MEGF10: variants seen among roughly 807,000 people sequenced by gnomAD.
MEGF10 encodes multiple EGF like domains 10, also known as multiple epidermal growth factor-like domains protein 10.
Under a neutral mutation model 147.5 loss-of-function variants are expected in MEGF10, and 86 were observed. The ratio of observed to expected loss-of-function variants is 0.58; its 90% CI spans 0.49 to 0.70. The LOEUF (loss-of-function observed/expected upper bound fraction) is 0.70, where lower values mean the gene tolerates loss of function less well. Among genes scored for constraint, MEGF10 ranks in the 30% least tolerant of loss-of-function variants. MEGF10 has a pLI of 0.00. For synonymous variants in MEGF10, 478 were observed against 525.5 expected (o/e 0.91, Z 1.24); for missense variants, 1,329 against 1,487.3 (o/e 0.89, Z 1.75).
chr5:127,340,630 CGTAA>C lies in MEGF10; in HGVS notation c.319+6_319+9del. ...TTATGAAAGCGGGGAAATGTGTGTC[CGTAA>C]GTAAGACTGTCACCCCTTTGAGATT... is the stretch of plus-strand genomic sequence containing the variant. On this transcript the variant is annotated splice_donor_variant and splice_donor_region_variant and intron_variant, in intron 4 of 24. Transcript: ENST00000503335. LOFTEE classifies it high-confidence loss of function. 6.2e-7 allele frequency: 1 copy of C among 1,610,960 alleles called. No homozygotes were observed. Among genetic ancestry groups the C allele is most frequent in the Non-Finnish European group, 8.5e-7 (1 of 1,177,582 alleles).
intron 5 of MEGF10, among the ~76,000 whole-genome samples, chr5:127,393,383 C>T (rs1561616388): frequency 6.6e-6 from 1 of 152,178 alleles, no homozygotes; most frequent in Non-Finnish European, 1.5e-5. Context: ...TGAGAGCTGG[C>T]TTATATGCTG....
chr5:127,455,750 A>AT (rs201649090), intron 24 of MEGF10, 143 bp downstream of exon 24: 26 of 706,202 alleles, frequency 3.7e-5, no homozygotes, highest in African/African-American at 1.1e-4. Context: ...ATTTTATTTT[A>AT]TGTATTTTTT....
chr5:127,337,381 G>A (rs768506039), intron 2 of MEGF10, among the ~76,000 whole-genome samples: 16 of 152,016 alleles, frequency 1.1e-4, no homozygotes, highest in African/African-American at 1.7e-4. Flanking sequence ...AGGCCACATA[G>A]TTATATTCCT....
intron 4 of MEGF10, among the ~76,000 whole-genome samples, chr5:127,344,070 C>G (rs1761783420): frequency 6.6e-6 from 1 of 152,140 alleles, no homozygotes; most frequent in Admixed American, 6.5e-5. Context: ...GTTCCTTTAT[C>G]GTAGTCATTT....
intron 12 of MEGF10, among the ~76,000 whole-genome samples, chr5:127,420,736 C>T (rs893802165): frequency 2.0e-5 from 3 of 152,206 alleles, no homozygotes; most frequent in South Asian, 2.1e-4. Context: ...TTCCCTTGAC[C>T]TACTTTGGAG....
rs1766434177 is a variant in MEGF10 at position 127,458,175 on chromosome 5, C to T, written c.*857C>T. 6.6e-6 allele frequency: 1 copy of T among 152,080 alleles called. No homozygotes were observed. The highest frequency in any genetic ancestry group is 1.5e-5 in the Non-Finnish European group (1 of 68,026). 9.4% of individuals were successfully genotyped at this position (152,080 alleles called of 1,614,324 possible). On this transcript the variant is annotated 3_prime_UTR_variant, in exon 25 of 25. Transcript: ENST00000503335. ...ATGAAATAATTTTATTTTTGACAGA[C>T]TGGATGGAATGAGTGTGTAATGATT...
At chr5:127,434,305 A>G (rs1474188026) in intron 14 of MEGF10, among the ~76,000 whole-genome samples, 1 of 152,210 alleles carries the variant, frequency 6.6e-6, no homozygotes, top group African/African-American at 2.4e-5. Flanking sequence ...AGAATAAAGA[A>G]TCAACAAATG....
chr5:127,445,932 T>C lies in MEGF10; in HGVS notation c.2728+239T>C, dbSNP rs563832517. Among the ~76,000 whole-genome samples, 342 of 152,296 alleles carry C rather than the reference T, an allele frequency of 2.2e-3. 3 individuals carry two copies. The highest frequency in any genetic ancestry group is 0.01 in the Middle Eastern group (3 of 294). Reference sequence around the variant, plus strand: ...AATTGAGCTCATTGTGTTTGTGGTTTAGATTTAGGGAATTTCAATCCATAA... The same window carrying C: ...AATTGAGCTCATTGTGTTTGTGGTTCAGATTTAGGGAATTTCAATCCATAA... On this transcript the variant is annotated intron_variant, in intron 20 of 24. Coordinates refer to ENST00000503335, the MANE Select transcript of MEGF10 (RefSeq NM_001256545.2).
In MEGF10 at chr5:127,337,423, A is replaced by G. The variant is rs536078071; in HGVS notation, c.117-1697A>G. Among the ~76,000 whole-genome samples, 182 of 152,212 alleles carry G rather than the reference A, an allele frequency of 1.2e-3. 3 individuals carry two copies. Among genetic ancestry groups the G allele is most frequent in the African/African-American group, 4.1e-3 (169 of 41,578 alleles). On this transcript the variant is annotated intron_variant, in intron 2 of 24. Transcript: ENST00000503335. ...GCTCAAAATAATTTAAAGTTCCAAT[A>G]GCTTTAAATTTGAATTATTTAATTT...
intron 13 of MEGF10, among the ~76,000 whole-genome samples, chr5:127,431,448 C>T (rs1019642091): frequency 1.3e-5 from 2 of 152,188 alleles, no homozygotes; most frequent in South Asian, 2.1e-4. Context: ...ACTAAGTCAT[C>T]ATAAATGGCT....
intron 2 of MEGF10, among the ~76,000 whole-genome samples, chr5:127,337,776 C>T (rs1429699685): frequency 1.3e-5 from 2 of 152,010 alleles, no homozygotes; most frequent in African/African-American, 4.8e-5. Flanking sequence ...TATTTTAAAA[C>T]GTGATCATGA....
chr5:127,340,152 A>G (rs2126799828), intron 3 of MEGF10, among the ~76,000 whole-genome samples: 1 of 152,190 alleles, frequency 6.6e-6, no homozygotes, highest in Non-Finnish European at 1.5e-5. Flanking sequence ...CTTTAGTTCA[A>G]TGGAGAGGTC....
chr5:127,420,775 A>T (rs1764966918), intron 12 of MEGF10, among the ~76,000 whole-genome samples: 2 of 152,196 alleles, frequency 1.3e-5, no homozygotes, highest in Admixed American at 6.5e-5. Context: ...CTCATACTGC[A>T]TCTACCTCAA....
intron 4 of MEGF10, among the ~76,000 whole-genome samples, chr5:127,346,361 C>T (rs1038720887): frequency 3.9e-5 from 6 of 152,164 alleles, no homozygotes; most frequent in African/African-American, 1.2e-4. Flanking sequence ...ACATCCACAC[C>T]GACATCTATT....
chr5:127,259,836 A>C, the MEGF10 span, among the ~76,000 whole-genome samples: 1 of 152,122 alleles, frequency 6.6e-6, no homozygotes, highest in Non-Finnish European at 1.5e-5. Flanking sequence ...TAAACTACCT[A>C]AGTGAAACTA....
intron 16 of MEGF10, among the ~76,000 whole-genome samples, chr5:127,435,884 GGGAACC>G (rs1223265824): frequency 3.3e-5 from 5 of 152,100 alleles, no homozygotes; most frequent in African/African-American, 1.2e-4. Context: ...GAAACCTATT[GGGAACC>G]TGAGCGAACT....
chr5:127,247,410 GAAGAAGAAGAAGAA>G, the MEGF10 span, among the ~76,000 whole-genome samples: 1 of 68,164 alleles, frequency 1.5e-5, no homozygotes, highest in African/African-American at 7.9e-5. Context: ...AGAAGAAGAA[GAAGAAGAAGAAGAA>G]GAAGAAGAAG....
the MEGF10 span, among the ~76,000 whole-genome samples, chr5:127,234,709 C>G: frequency 6.6e-6 from 1 of 152,162 alleles, no homozygotes; most frequent in Non-Finnish European, 1.5e-5. Context: ...ATTTAGAAAG[C>G]TCCCTATAAT....
At chr5:127,302,984 G>T (rs562642394) in intron 1 of MEGF10, among the ~76,000 whole-genome samples, 3 of 152,106 alleles carry the variant, frequency 2.0e-5, no homozygotes, top group Admixed American at 2.0e-4. Context: ...AGGGAGAGGA[G>T]TATGGGCAAG....
Sources: allele counts gnomAD v4.1 joint callset (sites outside exome capture counted in the v4.1 genomes callset), GRCh38; gene constraint gnomAD v4.1.1; transcripts MANE v1.5; gene names NCBI Gene and HGNC (gene_info 2026-07-23, HGNC 2026-07-21).